The following NRG3 variants were observed in gnomAD, a reference collection of about 807,000 sequenced individuals.
NRG3 encodes neuregulin 3.
A neutral mutation model predicts 66.9 loss-of-function variants in NRG3; 31 were observed. The observed-to-expected ratio is 0.46, with a 90% CI of 0.35 to 0.63. NRG3 has a LOEUF of 0.63. Ranked by LOEUF, NRG3 falls within the 20% of genes least tolerant of loss-of-function variation. NRG3 has a pLI of 0.00. For synonymous variants in NRG3, 393 were observed against 359.4 expected (o/e 1.09, Z -1.06); for missense variants, 910 against 878.9 (o/e 1.04, Z -0.45).
chr10:82,020,152 G>A (rs1157306794), intron 1 of NRG3, among the ~76,000 whole-genome samples: 1 of 152,032 alleles, frequency 6.6e-6, no homozygotes, highest in Non-Finnish European at 1.5e-5. Flanking sequence ...GAAAATGCCA[G>A]GTTTATAGGA....
intron 1 of NRG3, among the ~76,000 whole-genome samples, chr10:81,888,544 A>G (rs1842787761): frequency 6.6e-6 from 1 of 152,174 alleles, no homozygotes. Context: ...GCCATTTCAG[A>G]AAGTAGTGCT....
chr10:82,412,468 C>A (rs148252540), intron 2 of NRG3, among the ~76,000 whole-genome samples: 59 of 152,136 alleles, frequency 3.9e-4, no homozygotes, highest in Admixed American at 6.5e-4. Context: ...AAAAAGGTAA[C>A]AATCATGTGA....
chr10:82,673,037 C>T (rs945051426), intron 2 of NRG3, among the ~76,000 whole-genome samples: 6 of 152,248 alleles, frequency 3.9e-5, no homozygotes, highest in Non-Finnish European at 7.3e-5. Flanking sequence ...AGGCGTGAGC[C>T]ACCGTGCCCA....
At chr10:81,984,949 A>C (rs2060467701) in intron 1 of NRG3, among the ~76,000 whole-genome samples, 1 of 152,226 alleles carries the variant, frequency 6.6e-6, no homozygotes, top group South Asian at 2.1e-4. Flanking sequence ...GTTTTTCATA[A>C]ATAGCAAAGG....
chr10:81,962,555 G>A (rs928492492), intron 1 of NRG3, among the ~76,000 whole-genome samples: 1 of 152,200 alleles, frequency 6.6e-6, no homozygotes, highest in African/African-American at 2.4e-5. Context: ...CATAGTAGCT[G>A]TCTGTAATCC....
At chr10:82,403,565 A>G (rs1419837304) in intron 2 of NRG3, among the ~76,000 whole-genome samples, 3 of 152,168 alleles carry the variant, frequency 2.0e-5, no homozygotes, top group African/African-American at 4.8e-5. Context: ...AATGACATCT[A>G]TTTTAATGCA....
chr10:82,351,145 C>T (rs1423012274), intron 1 of NRG3, among the ~76,000 whole-genome samples: 5 of 152,228 alleles, frequency 3.3e-5, no homozygotes, highest in Admixed American at 2.0e-4. Flanking sequence ...CTGCCCGCCT[C>T]GGCCTCCCAA....
intron 2 of NRG3, among the ~76,000 whole-genome samples, chr10:82,673,123 AGT>A (rs2134054842): frequency 6.6e-6 from 1 of 152,320 alleles, no homozygotes; most frequent in East Asian, 1.9e-4. Flanking sequence ...CAATTGCTGC[AGT>A]GTGAGTGAGT....
At chr10:82,109,429 C>T (rs1177209730) in intron 1 of NRG3, among the ~76,000 whole-genome samples, 1 of 152,042 alleles carries the variant, frequency 6.6e-6, no homozygotes, top group East Asian at 1.9e-4. Context: ...TTTATCTTTC[C>T]AGTGAATAGA....
At chr10:82,632,026 C>T (rs541456527) in intron 2 of NRG3, among the ~76,000 whole-genome samples, 3 of 152,092 alleles carry the variant, frequency 2.0e-5, no homozygotes, top group Middle Eastern at 3.4e-3. Flanking sequence ...CACTTGAACC[C>T]GGGAGACAGA....
chr10:82,162,949 T>G (rs2071719455), intron 1 of NRG3, among the ~76,000 whole-genome samples: 1 of 152,144 alleles, frequency 6.6e-6, no homozygotes, highest in African/African-American at 2.4e-5. Context: ...ATTGCCCTGT[T>G]GGGAACTAGT....
At chr10:82,212,570 T>G (rs922196890) in intron 1 of NRG3, among the ~76,000 whole-genome samples, 2 of 152,220 alleles carry the variant, frequency 1.3e-5, no homozygotes, top group Non-Finnish European at 1.5e-5. Flanking sequence ...GGTAGTAGGA[T>G]ATTGCACGTC....
chr10:82,358,215 T>C (rs1223980174), intron 1 of NRG3, among the ~76,000 whole-genome samples: 1 of 152,206 alleles, frequency 6.6e-6, no homozygotes, highest in Non-Finnish European at 1.5e-5. Context: ...ACATTTGCAT[T>C]TTAATTACAT....
At chr10:81,970,940 G>GT in intron 1 of NRG3, among the ~76,000 whole-genome samples, 1 of 152,190 alleles carries the variant, frequency 6.6e-6, no homozygotes, top group South Asian at 2.1e-4. Context: ...AGGAGTTCGA[G>GT]TCCAGCCTGG....
At chr10:81,977,737 T>C (rs1000815855) in intron 1 of NRG3, among the ~76,000 whole-genome samples, 1 of 152,218 alleles carries the variant, frequency 6.6e-6, no homozygotes, top group African/African-American at 2.4e-5. Context: ...AATTTCATGC[T>C]CTTATCCTCA....
At chr10:82,978,207 G>A (rs1223845005) in intron 7 of NRG3, among the ~76,000 whole-genome samples, 1 of 152,086 alleles carries the variant, frequency 6.6e-6, no homozygotes, top group African/African-American at 2.4e-5. Flanking sequence ...TTTTTATAGA[G>A]TCTAGTTCTT....
chr10:82,365,562 A>G (rs2084467490), intron 2 of NRG3, among the ~76,000 whole-genome samples: 1 of 152,234 alleles, frequency 6.6e-6, no homozygotes, highest in Admixed American at 6.5e-5. Flanking sequence ...AAACTCGGAA[A>G]GCAAGCAAAC....
chr10:82,474,241 A>G (rs2132081001), intron 2 of NRG3, among the ~76,000 whole-genome samples: 1 of 152,134 alleles, frequency 6.6e-6, no homozygotes, highest in African/African-American at 2.4e-5. Context: ...TCAAAGGAAA[A>G]AACAAAATCC....
chr10:82,328,241 C>T (rs2081970211), intron 1 of NRG3, among the ~76,000 whole-genome samples: 1 of 152,184 alleles, frequency 6.6e-6, no homozygotes, highest in Admixed American at 6.6e-5. Context: ...CCAGTATCTT[C>T]ACTGGTATTT....
Sources: allele counts gnomAD v4.1 joint callset (sites outside exome capture counted in the v4.1 genomes callset), GRCh38; gene constraint gnomAD v4.1.1; transcripts MANE v1.5; gene names NCBI Gene and HGNC (gene_info 2026-07-23, HGNC 2026-07-21).